Variants in TLL1 observed in about 807,000 individuals in gnomAD.
TLL1 encodes the protein tolloid like 1, also known as tolloid-like protein 1.
A neutral mutation model predicts 128.2 loss-of-function variants in TLL1; 49 were observed. The observed-to-expected ratio is 0.38, with a 90% CI of 0.30 to 0.48. The LOEUF (loss-of-function observed/expected upper bound fraction) is 0.48, where lower values mean the gene tolerates loss of function less well. TLL1 is among the 20% of genes least tolerant of loss of function. TLL1 has a pLI of 0.96. For synonymous variants in TLL1, 454 were observed against 418.8 expected, an observed-to-expected ratio of 1.08 and a Z score of -1.03; for missense variants, 1,123 against 1,242.0, an observed-to-expected ratio of 0.90 and a Z score of 1.44.
intron 1 of TLL1, among the ~76,000 whole-genome samples, chr4:165,876,480 C>G (rs1326680573): frequency 3.9e-5 from 6 of 152,142 alleles, no homozygotes; most frequent in African/African-American, 1.4e-4. Flanking sequence ...AGGGCATGGC[C>G]CATGAAATAA....
intron 1 of TLL1, among the ~76,000 whole-genome samples, chr4:165,919,497 A>C (rs1732937238): frequency 6.6e-6 from 1 of 151,732 alleles, no homozygotes; most frequent in South Asian, 2.1e-4. Context: ...TTTTGTTGTT[A>C]TTTATAGACA....
intron 15 of TLL1, among the ~76,000 whole-genome samples, chr4:166,062,017 C>A (rs369765672): frequency 0.022 from 3,359 of 152,168 alleles, 129 homozygotes; most frequent in African/African-American, 0.072. Context: ...TGTCAAAGAT[C>A]AGATGGTTGT....
Position 166,099,428 on chromosome 4 carries a change from T to G in TLL1, c.2808T>G (p.Phe936Leu), listed in dbSNP as rs749835123. Reference sequence around the variant, plus strand: ...GACTTGAATTATCCTTCCAGACATTTGAAGTGGAGGAAGAAGCAGACTGTG... The same window carrying G: ...GACTTGAATTATCCTTCCAGACATTGGAAGTGGAGGAAGAAGCAGACTGTG... ...GSRLELSFQTFEVEEEADCGY... is the reference protein window; with the variant it reads ...GSRLELSFQTLEVEEEADCGY... Residue 936 changes from phenylalanine (F) to leucine (L), a missense_variant, in exon 20 of 21, where the codon TTT becomes TTG. By Grantham distance (22) the Phe-to-Leu change is conservative (BLOSUM62 0). Transcript: ENST00000061240. 4 of 1,613,530 alleles carry G rather than the reference T, an allele frequency of 2.5e-6. No homozygotes were observed. Among genetic ancestry groups the G allele is most frequent in the Non-Finnish European group, 3.4e-6 (4 of 1,179,664 alleles).
intron 1 of TLL1, among the ~76,000 whole-genome samples, chr4:165,973,614 G>T (rs1334362168): frequency 6.6e-6 from 1 of 151,664 alleles, no homozygotes; most frequent in African/African-American, 2.4e-5. Flanking sequence ...TGTCTTTCAG[G>T]GGAGAAAATA....
intron 1 of TLL1, among the ~76,000 whole-genome samples, chr4:165,911,403 C>A (rs193007512): frequency 1.3e-5 from 2 of 152,064 alleles, no homozygotes; most frequent in South Asian, 4.1e-4. Flanking sequence ...AGTATTTCAT[C>A]GTGTATATAT....
At chr4:166,021,109 C>T (rs191485631) in intron 8 of TLL1, among the ~76,000 whole-genome samples, 1 of 152,212 alleles carries the variant, frequency 6.6e-6, no homozygotes, top group East Asian at 1.9e-4. Context: ...TTTTCAATTA[C>T]TTAATTCATA....
At chr4:166,051,355 CTTTG>C (rs1455909297) in intron 12 of TLL1, among the ~76,000 whole-genome samples, 17 of 113,396 alleles carry the variant, frequency 1.5e-4, no homozygotes. Context: ...CCTTTCTTTT[CTTTG>C]TTTCTTTTTC....
At chr4:166,004,698 A>G (rs1737329861) in intron 6 of TLL1, among the ~76,000 whole-genome samples, 1 of 152,132 alleles carries the variant, frequency 6.6e-6, no homozygotes, top group Admixed American at 6.6e-5. Context: ...GCAAAGCTAC[A>G]ATTACAGAAA....
intron 18 of TLL1, among the ~76,000 whole-genome samples, chr4:166,089,929 C>T (rs1039949920): frequency 2.6e-5 from 4 of 151,876 alleles, no homozygotes; most frequent in Non-Finnish European, 5.9e-5. Flanking sequence ...CTCACTCCTC[C>T]GAAGTCAGAA....
chr4:165,910,566 G>A (rs1340545103), intron 1 of TLL1, among the ~76,000 whole-genome samples: 1 of 152,070 alleles, frequency 6.6e-6, no homozygotes, highest in African/African-American at 2.4e-5. Flanking sequence ...CCTATGTAGA[G>A]CCACACATTT....
At chr4:166,034,479 TAG>T (rs144494989) in intron 9 of TLL1, among the ~76,000 whole-genome samples, 23,204 of 152,120 alleles carry the variant, frequency 0.15, 2,027 homozygotes, top group South Asian at 0.22. Context: ...GGGTTATGAC[TAG>T]AGTCATTGAT....
intron 6 of TLL1, among the ~76,000 whole-genome samples, chr4:166,006,097 T>A (rs1737413466): frequency 6.6e-6 from 1 of 151,816 alleles, no homozygotes; most frequent in Non-Finnish European, 1.5e-5. Context: ...GATCAAGTCT[T>A]AGTCAAGGGT....
chr4:166,031,037 T>A, intron 9 of TLL1: 1 of 874,822 alleles, frequency 1.1e-6, no homozygotes, highest in Non-Finnish European at 1.4e-6. Flanking sequence ...ACTAAAAATT[T>A]AATAAGTTAA....
chr4:165,895,601 C>G (rs1439144362), intron 1 of TLL1, among the ~76,000 whole-genome samples: 1 of 102,840 alleles, frequency 9.7e-6, no homozygotes, highest in Non-Finnish European at 1.8e-5. Context: ...AGATTCAACA[C>G]AATCCCCCAA....
intron 2 of TLL1, among the ~76,000 whole-genome samples, chr4:165,991,872 A>G (rs1313981469): frequency 1.3e-5 from 2 of 152,030 alleles, no homozygotes; most frequent in African/African-American, 4.8e-5. Context: ...TTAAGATGTC[A>G]TTAGTGGCTG....
At chr4:165,959,539 C>T (rs1270971288) in intron 1 of TLL1, among the ~76,000 whole-genome samples, 4 of 152,110 alleles carry the variant, frequency 2.6e-5, no homozygotes, top group African/African-American at 9.7e-5. Flanking sequence ...AAAGAATATA[C>T]ATTCTTCTCA....
intron 19 of TLL1, among the ~76,000 whole-genome samples, chr4:166,096,342 C>T (rs1032386352): frequency 2.0e-4 from 30 of 148,362 alleles, no homozygotes; most frequent in African/African-American, 7.6e-4. Flanking sequence ...GAAGCAAAAC[C>T]GGGGGCGGGG....
At chr4:166,018,148 T>C (rs369129010) in intron 8 of TLL1, among the ~76,000 whole-genome samples, 15 of 152,274 alleles carry the variant, frequency 9.9e-5, no homozygotes, top group Admixed American at 3.9e-4. Flanking sequence ...TCTTACTCTT[T>C]TGTCAGAAAT....
chr4:165,956,717 C>T (rs982760007), intron 1 of TLL1, among the ~76,000 whole-genome samples: 1 of 152,016 alleles, frequency 6.6e-6, no homozygotes, highest in African/African-American at 2.4e-5. Flanking sequence ...TGATGTACAT[C>T]CTCAGCTTAC....
Sources: gnomAD v4.1 joint callset for allele counts (sites outside exome capture counted in the v4.1 genomes callset) on GRCh38, gnomAD v4.1.1 for gene constraint, MANE v1.5 for transcripts, NCBI Gene and HGNC (gene_info 2026-07-23, HGNC 2026-07-21) for gene names.